The following PCDHA1 variants were observed in gnomAD, a reference collection of about 807,000 sequenced individuals.
The protein encoded by PCDHA1 is protocadherin alpha-1.
PCDHA1 carries 42 observed loss-of-function variants against 61.3 expected under a neutral mutation model. That is an observed-to-expected ratio of 0.69 (90% confidence interval 0.54 to 0.89). The LOEUF (loss-of-function observed/expected upper bound fraction) is 0.89. Among genes scored for constraint, PCDHA1 ranks in the 40% least tolerant of loss-of-function variants. The pLI is 0.00. For synonymous variants in PCDHA1, 610 were observed against 553.8 expected (o/e 1.10, Z -1.43); for missense variants, 1,256 against 1,235.3 (o/e 1.02, Z -0.25).
At chr5:140,969,180 C>T in intron 1 of PCDHA1, 1 of 1,614,110 alleles carries the variant, frequency 6.2e-7, no homozygotes, top group Non-Finnish European at 8.5e-7. Context: ...GGGAGTGACA[C>T]TTTCATGTTT....
chr5:140,868,098 A>C (rs972281563), intron 1 of PCDHA1: 1 of 152,120 alleles, frequency 6.6e-6, no homozygotes, highest in African/African-American at 2.4e-5. Context: ...AATGATAATA[A>C]AATTTATTTT....
chr5:140,826,838 C>T (rs1769075989), intron 1 of PCDHA1, among the ~76,000 whole-genome samples: 1 of 152,062 alleles, frequency 6.6e-6, no homozygotes, highest in Admixed American at 6.5e-5. Context: ...AGAAGTTTCT[C>T]AAGTGTCTTG....
chr5:140,896,046 G>A (rs1430238321), intron 1 of PCDHA1, among the ~76,000 whole-genome samples: 2 of 151,866 alleles, frequency 1.3e-5, no homozygotes, highest in East Asian at 1.9e-4. Context: ...CCTGACCTCA[G>A]GTGATCCGCC....
intron 1 of PCDHA1, chr5:140,851,974 CT>C (rs1190115566): frequency 2.0e-6 from 2 of 976,536 alleles, no homozygotes; most frequent in African/African-American, 3.5e-5. Context: ...CACACTCTAC[CT>C]TTAGTGCAAG....
chr5:140,856,185 G>C, intron 1 of PCDHA1: 1 of 1,598,160 alleles, frequency 6.3e-7, no homozygotes. Context: ...TTCGTGGGCC[G>C]CATCGCGCAG....
Position 140,841,358 on chromosome 5 carries a change from C to T in PCDHA1, c.2394+52674C>T, listed in dbSNP as rs2150314140. 4 of 1,612,986 alleles carry T rather than the reference C, an allele frequency of 2.5e-6. No individual in the cohort carries two copies. In the South Asian group the frequency reaches 4.4e-5, roughly 18 times the overall value. ...CTGGCGAGGAGAGCTGGGATCCTGG[C>T]GACTACTACTCTTGCTTCTGCTCCT... On this transcript the variant is annotated intron_variant, in intron 1 of 3. Transcript: ENST00000504120.
intron 1 of PCDHA1, among the ~76,000 whole-genome samples, chr5:140,833,816 G>T (rs1183513808): frequency 6.6e-6 from 1 of 151,956 alleles, no homozygotes; most frequent in Non-Finnish European, 1.5e-5. Flanking sequence ...TGAGATCCTG[G>T]GTCCCTAAAA....
At chr5:140,901,909 C>T (rs2068974930) in intron 1 of PCDHA1, among the ~76,000 whole-genome samples, 1 of 151,454 alleles carries the variant, frequency 6.6e-6, no homozygotes, top group African/African-American at 2.4e-5. Context: ...TTGTGGAGAT[C>T]TTTCACTTCT....
intron 1 of PCDHA1, chr5:140,801,723 G>A (rs1554121645): frequency 1.9e-6 from 3 of 1,578,074 alleles, no homozygotes; most frequent in Non-Finnish European, 8.7e-7. Flanking sequence ...TGATTCCACT[G>A]AATATTTTAC....
intron 1 of PCDHA1, among the ~76,000 whole-genome samples, chr5:140,935,092 C>T (rs1015892831): frequency 2.6e-5 from 4 of 152,100 alleles, no homozygotes; most frequent in Non-Finnish European, 5.9e-5. Context: ...TTCCCAGAAT[C>T]AGCCATTTTT....
Position 140,842,679 on chromosome 5 carries a change from C to T in PCDHA1, c.2394+53995C>T, listed in dbSNP as rs2150341829. 264 of 1,595,330 alleles carry T rather than the reference C, an allele frequency of 1.7e-4. 16 individuals are homozygous for T. The South Asian group carries it at 1.9e-3, about 12-fold the overall frequency. ...GTGGCCGACGTGAACGACAATGCTCCGGCGTTCGCGCAGCCCGAGTACACG... is the reference window on the plus strand; with the variant it reads ...GTGGCCGACGTGAACGACAATGCTCTGGCGTTCGCGCAGCCCGAGTACACG... On this transcript the variant is annotated intron_variant, in intron 1 of 3. Coordinates refer to ENST00000504120, the MANE Select transcript of PCDHA1 (RefSeq NM_018900.4).
At position 140,835,754 on chromosome 5, in the gene PCDHA1, G is replaced by C. The variant is rs1562349342; in HGVS notation, c.2394+47070G>C. On this transcript the variant is annotated intron_variant, in intron 1 of 3. Coordinates refer to ENST00000504120, the MANE Select transcript of PCDHA1 (RefSeq NM_018900.4). ...ACGACAACGCCCCGGCGTTCGCGCA[G>C]CCCGAGTATACGGTGTTCGTGAAGG... 3.1e-6 allele frequency: 5 copies of C among 1,613,576 alleles called. No individual in the cohort carries two copies. In the Admixed American group the frequency reaches 8.3e-5, roughly 27 times the overall value.
At chr5:140,888,443 A>C (rs1374471673) in intron 1 of PCDHA1, among the ~76,000 whole-genome samples, 2 of 152,172 alleles carry the variant, frequency 1.3e-5, no homozygotes, top group Non-Finnish European at 2.9e-5. Context: ...GCCGCCCAAC[A>C]ATAAAGAATT....
chr5:140,936,834 T>TA (rs1554211213), intron 1 of PCDHA1, among the ~76,000 whole-genome samples: 1 of 152,210 alleles, frequency 6.6e-6, no homozygotes, highest in African/African-American at 2.4e-5. Context: ...CATTTCTATA[T>TA]AAATTGTAGA....
chr5:140,833,525 C>T (rs1216411666), intron 1 of PCDHA1, among the ~76,000 whole-genome samples: 2 of 152,108 alleles, frequency 1.3e-5, no homozygotes, highest in East Asian at 3.8e-4. Flanking sequence ...ATTCATAACA[C>T]ACAAGTGTTC....
chr5:140,808,989 C>T lies in PCDHA1; in HGVS notation c.2394+20305C>T. 1 of 1,613,702 alleles carries T rather than the reference C, an allele frequency of 6.2e-7. No individual in the cohort carries two copies. Among genetic ancestry groups the T allele is most frequent in the Non-Finnish European group, 8.5e-7 (1 of 1,179,748 alleles). On this transcript the variant is annotated intron_variant, in intron 1 of 3. Coordinates refer to ENST00000504120, the MANE Select transcript of PCDHA1 (RefSeq NM_018900.4). ...AAGGTGCGCGCGGTGGATGCTGACT[C>T]GGGCTACAACGCGTGGCTTTCGTAC...
At chr5:140,809,384 G>C in intron 1 of PCDHA1, 1 of 1,614,062 alleles carries the variant, frequency 6.2e-7, no homozygotes, top group East Asian at 2.2e-5. Context: ...GGGCGCGTGC[G>C]CTCCGGGCAA....
intron 1 of PCDHA1, chr5:140,836,350 A>T (rs1454301862): frequency 3.1e-6 from 5 of 1,613,518 alleles, no homozygotes; most frequent in Non-Finnish European, 4.2e-6. Flanking sequence ...GACCACGGGG[A>T]GCCCTCGCTG....
rs1277596666 is a variant in PCDHA1 at position 140,856,532 on chromosome 5, G to A, written c.2394+67848G>A. ...AGAAGGCGCATCTGATGCGGATGTT[G>A]GAGAGAACGCATTGCTTACTTACAA... On this transcript the variant is annotated intron_variant, in intron 1 of 3. Transcript: ENST00000504120. The A allele has an allele frequency of 1.9e-6, 3 of 1,598,248 alleles. 1 individual carries two copies. The highest frequency in any genetic ancestry group is 2.6e-6 in the Non-Finnish European group (3 of 1,167,844).
Sources: allele counts gnomAD v4.1 joint callset (sites outside exome capture counted in the v4.1 genomes callset), GRCh38; gene constraint gnomAD v4.1.1; transcripts MANE v1.5; gene names NCBI Gene and HGNC (gene_info 2026-07-23, HGNC 2026-07-21).